ARNT2: variants seen among roughly 807,000 people sequenced by gnomAD.
ARNT2 encodes ARNT protein 2.
Under a neutral mutation model 91.7 loss-of-function variants are expected in ARNT2, and 36 were observed. The observed-to-expected ratio is 0.39, with a 90% confidence interval of 0.30 to 0.52. ARNT2 has a LOEUF of 0.52. Among genes scored for constraint, ARNT2 ranks in the 20% least tolerant of loss-of-function variants. ARNT2 has a pLI of 0.72. For synonymous variants in ARNT2, 365 were observed against 347.1 expected (o/e 1.05, Z -0.57); for missense variants, 775 against 939.3 (o/e 0.83, Z 2.29).
chr15:80,533,652 G>A (rs757144870), intron 8 of ARNT2, among the ~76,000 whole-genome samples: 2 of 152,360 alleles, frequency 1.3e-5, no homozygotes, highest in Non-Finnish European at 2.9e-5. Context: ...ACAACTGAAA[G>A]TTGAAAATAA....
intron 8 of ARNT2, among the ~76,000 whole-genome samples, chr15:80,519,982 G>A (rs1212776573): frequency 6.7e-6 from 1 of 149,618 alleles, no homozygotes; most frequent in Non-Finnish European, 1.5e-5. Context: ...ACAGGTGTGA[G>A]CCACCGTGCC....
At chr15:80,450,795 G>A in intron 1 of ARNT2, 85 bp from the exon 2 acceptor site, 1 of 1,350,648 alleles carries the variant, frequency 7.4e-7, no homozygotes, top group Non-Finnish European at 1.1e-6. Flanking sequence ...CGCAGGTGGT[G>A]CTTCTGGTAC....
At chr15:80,495,996 G>A (rs1897122748) in intron 5 of ARNT2, among the ~76,000 whole-genome samples, 1 of 152,182 alleles carries the variant, frequency 6.6e-6, no homozygotes, top group African/African-American at 2.4e-5. Context: ...ATCTCCTCGA[G>A]TACCAGCTGA....
intron 1 of ARNT2, among the ~76,000 whole-genome samples, chr15:80,449,365 G>A (rs746246614): frequency 1.2e-4 from 19 of 152,214 alleles, no homozygotes; most frequent in Admixed American, 3.3e-4. Flanking sequence ...TGGACTCAAT[G>A]TGTTTTAGCC....
chr15:80,491,796 C>CTTT (rs58958624), intron 5 of ARNT2, among the ~76,000 whole-genome samples: 7 of 67,614 alleles, frequency 1.0e-4, no homozygotes, highest in Non-Finnish European at 1.7e-4. Context: ...CAGGACAGGC[C>CTTT]TTTTTTTTTT....
intron 12 of ARNT2, among the ~76,000 whole-genome samples, chr15:80,566,992 G>A (rs1201956746): frequency 6.6e-6 from 1 of 152,174 alleles, no homozygotes; most frequent in African/African-American, 2.4e-5. Flanking sequence ...TCCCAACATG[G>A]GAAAAGGGTG....
intron 1 of ARNT2, among the ~76,000 whole-genome samples, chr15:80,408,505 A>G (rs1252405539): frequency 6.6e-6 from 1 of 152,230 alleles, no homozygotes; most frequent in Non-Finnish European, 1.5e-5. Context: ...TGAGGCAGAC[A>G]AGATTTGTGA....
At chr15:80,434,454 A>G (rs973957899) in intron 1 of ARNT2, 1 of 152,246 alleles carries the variant, frequency 6.6e-6, no homozygotes, top group African/African-American at 2.4e-5. Context: ...TAATCTTCAC[A>G]TATTACACCT....
At chr15:80,480,267 C>A (rs1896865818) in intron 5 of ARNT2, among the ~76,000 whole-genome samples, 1 of 152,092 alleles carries the variant, frequency 6.6e-6, no homozygotes, top group Non-Finnish European at 1.5e-5. Flanking sequence ...GATAGCAGAG[C>A]CTGTGACTGT....
intron 4 of ARNT2, 98 bp downstream of exon 4, chr15:80,470,529 A>G: frequency 1.5e-6 from 2 of 1,304,768 alleles, no homozygotes; most frequent in Non-Finnish European, 2.1e-6. Flanking sequence ...AAGGTTGAGG[A>G]AGGAATGAAG....
At chr15:80,406,453 T>A (rs1895602283) in intron 1 of ARNT2, among the ~76,000 whole-genome samples, 1 of 152,196 alleles carries the variant, frequency 6.6e-6, no homozygotes, top group African/African-American at 2.4e-5. Context: ...AAGCAAAAGA[T>A]GTTAAATGAA....
chr15:80,548,173 TA>T (rs1449661192), intron 8 of ARNT2, among the ~76,000 whole-genome samples: 3 of 152,196 alleles, frequency 2.0e-5, no homozygotes. Flanking sequence ...CAACATATTG[TA>T]GCAGATTGAG....
At chr15:80,558,818 GCTGA>G (rs1205687262) in intron 11 of ARNT2, among the ~76,000 whole-genome samples, 2 of 152,336 alleles carry the variant, frequency 1.3e-5, no homozygotes, top group Admixed American at 6.5e-5. Flanking sequence ...CCATATGTTT[GCTGA>G]CTATGTGGAA....
chr15:80,562,022 T>A (rs753218417), intron 11 of ARNT2, among the ~76,000 whole-genome samples: 13 of 152,070 alleles, frequency 8.5e-5, no homozygotes, highest in Non-Finnish European at 1.5e-4. Flanking sequence ...GGGTTTTGGA[T>A]TGTAGCCCCC....
chr15:80,546,974 C>A lies in ARNT2; in HGVS notation c.878-4225C>A, dbSNP rs561075199. Among the ~76,000 whole-genome samples, 243 of 148,844 alleles carry A rather than the reference C, an allele frequency of 1.6e-3. 5 individuals carry two copies. The highest frequency in any genetic ancestry group is 3.8e-3 in the African/African-American group (152 of 40,480). On this transcript the variant is annotated intron_variant, in intron 8 of 18. Transcript: ENST00000303329. ...TGAAACTCCATCTCAAAAAAAAAAA[C>A]CAAACAAAACAAAACAATAAACGGA...
intron 17 of ARNT2, among the ~76,000 whole-genome samples, chr15:80,586,769 A>T (rs1392510626): frequency 6.7e-6 from 1 of 148,538 alleles, no homozygotes; most frequent in African/African-American, 2.5e-5. Context: ...TGAACCTGGG[A>T]GGTGGAGGTT....
At chr15:80,419,895 G>A (rs1449643319) in intron 1 of ARNT2, among the ~76,000 whole-genome samples, 2 of 152,180 alleles carry the variant, frequency 1.3e-5, no homozygotes, top group Non-Finnish European at 2.9e-5. Flanking sequence ...CGCAGTGTAA[G>A]GCTCTCACCA....
chr15:80,555,051 T>G lies in ARNT2; in HGVS notation c.1090-14T>G. ...ATGGATCTGGGATTATTAAAGCTTG[T>G]CTCTTTTATTTAGGATCTTCTGGGA... On this transcript the variant is annotated splice_polypyrimidine_tract_variant and intron_variant, in intron 10 of 18. Transcript: ENST00000303329. 1 of 1,611,838 alleles carries G rather than the reference T, an allele frequency of 6.2e-7. No homozygotes were observed. The highest frequency in any genetic ancestry group is 1.7e-4 in the Middle Eastern group (1 of 6,060).
chr15:80,542,073 C>T (rs113103134), intron 8 of ARNT2, among the ~76,000 whole-genome samples: 7 of 152,354 alleles, frequency 4.6e-5, no homozygotes, highest in African/African-American at 1.7e-4. Flanking sequence ...GAGAACATCA[C>T]ACTTAGGCAC....
Sources: gnomAD v4.1 joint callset for allele counts (sites outside exome capture counted in the v4.1 genomes callset) on GRCh38, gnomAD v4.1.1 for gene constraint, MANE v1.5 for transcripts, NCBI Gene and HGNC (gene_info 2026-07-23, HGNC 2026-07-21) for gene names.